Variants in RASSF5 observed in about 807,000 individuals in gnomAD.
RASSF5 encodes Ras association domain family member 5.
In RASSF5, 25 loss-of-function variants were observed where a neutral mutation model predicts 40.5. The ratio of observed to expected loss-of-function variants is 0.62; its 90% CI spans 0.45 to 0.86. The LOEUF (loss-of-function observed/expected upper bound fraction) is 0.86, where lower values mean the gene tolerates loss of function less well. RASSF5 is among the 40% of genes least tolerant of loss of function. RASSF5 has a pLI of 0.00. For synonymous variants in RASSF5, 246 were observed against 252.4 expected (o/e 0.97, Z 0.24); for missense variants, 521 against 572.8 (o/e 0.91, Z 0.92).
intron 2 of RASSF5, chr1:206,557,214 C>A: frequency 9.5e-7 from 1 of 1,058,200 alleles, no homozygotes. Context: ...GGGGGAGGTG[C>A]GGAGATGGCG....
intron 2 of RASSF5, among the ~76,000 whole-genome samples, chr1:206,553,415 G>C (rs1266578322): frequency 3.3e-5 from 5 of 152,114 alleles, no homozygotes; most frequent in Non-Finnish European, 5.9e-5. Context: ...TAGAAACATG[G>C]GGAACTCTTG....
chr1:206,521,269 C>T (rs569920545), intron 1 of RASSF5, among the ~76,000 whole-genome samples: 1 of 152,306 alleles, frequency 6.6e-6, no homozygotes, highest in South Asian at 2.1e-4. Context: ...TGTGTGTCTC[C>T]AGCAGAGAGG....
intron 2 of RASSF5, among the ~76,000 whole-genome samples, chr1:206,559,558 C>T (rs781998021): frequency 6.6e-6 from 1 of 152,212 alleles, no homozygotes; most frequent in East Asian, 1.9e-4. Flanking sequence ...GGTTTGGTCC[C>T]TGCAGAAACA....
Position 206,507,910 on chromosome 1 carries a change from T to G in RASSF5, c.308T>G (p.Val103Gly), listed in dbSNP as rs1553394068. The G allele has an allele frequency of 6.6e-6, 10 of 1,510,918 alleles. No individual in the cohort carries two copies. The highest frequency in any genetic ancestry group is 8.8e-6 in the Non-Finnish European group (10 of 1,137,406). The allele number at this position is 1,510,918 out of a possible 1,614,324, so 93.6% of individuals were successfully genotyped here. A position where few individuals can be genotyped will look rare whatever the true frequency, so the allele number is the denominator to read the frequency against. The change falls in exon 1 of 6, where the codon GTG becomes GGG. Residue 103 changes from valine (V) to glycine (G), a missense_variant. By Grantham distance (109) the Val-to-Gly change is moderately radical. Transcript: ENST00000579436. Reference protein sequence around the residue: ...RRPGAPRPRDVRSIFEQPQDP... With the variant: ...RRPGAPRPRDGRSIFEQPQDP... ...CCTGGAGCGCCCCGACCCCGCGACG[T>G]GCGGAGCATCTTCGAGCAGCCGCAG...
chr1:206,578,208 AGAGG>A (rs1363837826), intron 2 of RASSF5, among the ~76,000 whole-genome samples: 4 of 137,394 alleles, frequency 2.9e-5, no homozygotes, highest in Admixed American at 1.5e-4. Context: ...ACTGGGTGAC[AGAGG>A]GAGACATCTC....
intron 2 of RASSF5, chr1:206,557,072 G>C: frequency 1.1e-6 from 1 of 935,050 alleles, no homozygotes. Context: ...CTTGCCACCG[G>C]GGGCGGGTGG....
chr1:206,507,540 C>A lies in RASSF5; in HGVS notation c.-63C>A. 3 of 1,298,736 alleles carry A rather than the reference C, an allele frequency of 2.3e-6. No homozygotes were observed. Among genetic ancestry groups the A allele is most frequent in the Non-Finnish European group, 2.0e-6 (2 of 992,968 alleles). The allele number at this position is 1,298,736 out of a possible 1,614,324, so 80.5% of individuals were successfully genotyped here. ...TGTGGGGCGGCCCCTTCTCTCGGGG[C>A]TGGCTCGGGAGTAGCGCAGTCGCCA... On this transcript the variant is annotated 5_prime_UTR_variant, in exon 1 of 6. The change creates a new upstream start codon in the 5' untranslated region. Transcript: ENST00000579436.
rs575844649 is a variant in RASSF5 at position 206,538,160 on chromosome 1, C to T, written c.458-12C>T. 1 of 1,614,034 alleles carries T rather than the reference C, an allele frequency of 6.2e-7. No individual in the cohort carries two copies. The highest frequency in any genetic ancestry group is 1.3e-5 in the African/African-American group (1 of 74,932). ...CCTGTCCTCTAATCTCCCTTTTGTT[C>T]TTTACCTCCAGACTGTAAATTCACC... is the stretch of plus-strand genomic sequence containing the variant. On this transcript the variant is annotated splice_polypyrimidine_tract_variant and intron_variant, in intron 1 of 5. Coordinates refer to ENST00000579436, the MANE Select transcript of RASSF5 (RefSeq NM_182663.4).
chr1:206,561,838 G>GTTT (rs1668155665), intron 2 of RASSF5, among the ~76,000 whole-genome samples: 2 of 112,824 alleles, frequency 1.8e-5, no homozygotes, highest in Admixed American at 9.0e-5. Flanking sequence ...GCTAAGTTTT[G>GTTT]TGTTTTTTTT....
Position 206,587,262 on chromosome 1 carries a change from A to C in RASSF5, c.*284A>C. 1 of 393,448 alleles carries C rather than the reference A, an allele frequency of 2.5e-6. No homozygotes were observed. The allele number at this position is 393,448 out of a possible 1,614,324, so 24.4% of individuals were successfully genotyped here. ...CGATCTGCAAGCCTTTCACCAACCA[A>C]ATAGTTGCCTCTCTCGTCACCAAAC... On this transcript the variant is annotated 3_prime_UTR_variant, in exon 6 of 6. Transcript: ENST00000579436.
rs1667465662 is a variant in RASSF5 at position 206,538,216 on chromosome 1, T to G, written c.502T>G (p.Leu168Val). Residue 168 changes from leucine to valine, a missense_variant, in exon 2 of 6, where the codon TTG becomes GTG. By Grantham distance (32) the Leu-to-Val change is conservative (BLOSUM62 1). Coordinates refer to ENST00000579436, the MANE Select transcript of RASSF5 (RefSeq NM_182663.4). ...CHPECRSLIQ[L>V]DCSQQEGLSR... The stretch of plus-strand genomic sequence containing the variant: ...CCCAGAATGCCGCAGCCTGATCCAG[T>G]TGGACTGCAGTCAGCAGGAGGGTTT... 1 of 1,614,106 alleles carries G rather than the reference T, an allele frequency of 6.2e-7. No individual in the cohort carries two copies. Among genetic ancestry groups the G allele is most frequent in the African/African-American group, 1.3e-5 (1 of 74,924 alleles).
rs1666674748 is a variant in RASSF5, at chr1:206,513,568, T to C, written c.457+5509T>C. Reference sequence around the variant, plus strand: ...CTGCAGGGTCTCGCTCTGTCTCTGCTGACTCTGGGCACCTGCCCCTCCCGC... The same window carrying C: ...CTGCAGGGTCTCGCTCTGTCTCTGCCGACTCTGGGCACCTGCCCCTCCCGC... On this transcript the variant is annotated intron_variant, in intron 1 of 5. Transcript: ENST00000579436. The surrounding 1 kb of genome is among the most constrained non-coding windows in gnomAD (Gnocchi z 5.0). 6.6e-6 allele frequency among the ~76,000 whole-genome samples: 1 copy of C among 152,242 alleles called. No individual in the cohort carries two copies. Among genetic ancestry groups the C allele is most frequent in the Non-Finnish European group, 1.5e-5 (1 of 68,046 alleles).
intron 1 of RASSF5, among the ~76,000 whole-genome samples, chr1:206,514,946 C>G (rs1286418637): frequency 6.6e-6 from 1 of 152,218 alleles, no homozygotes; most frequent in East Asian, 1.9e-4. Context: ...GTCAGGATTG[C>G]AATTCTGTTT....
intron 2 of RASSF5, among the ~76,000 whole-genome samples, chr1:206,553,441 A>C (rs1331039720): frequency 5.9e-5 from 9 of 152,162 alleles, no homozygotes; most frequent in African/African-American, 2.2e-4. Flanking sequence ...CTTTGCACTA[A>C]TCTCAGTTAA....
intron 2 of RASSF5, chr1:206,544,437 T>C (rs1373731753): frequency 2.0e-5 from 3 of 152,182 alleles, no homozygotes; most frequent in African/African-American, 7.2e-5. Context: ...ACACAACCCT[T>C]ATGGTCTGGC....
chr1:206,546,648 C>A (rs6680523), intron 2 of RASSF5, among the ~76,000 whole-genome samples: 1 of 151,884 alleles, frequency 6.6e-6, no homozygotes, highest in East Asian at 1.9e-4. Context: ...GTTGAAAATA[C>A]CTGAAGTCAA....
In RASSF5 at chr1:206,546,631, A is replaced by G. The variant is rs189314679; in HGVS notation, c.579+8338A>G. ...TATGGGATTACATCCCAATAAACCC[A>G]CTGAAAGTTGAAAATACCTGAAGTC... On this transcript the variant is annotated intron_variant, in intron 2 of 5. Transcript: ENST00000579436. 3.3e-5 allele frequency among the ~76,000 whole-genome samples: 5 copies of G among 152,280 alleles called. No homozygotes were observed. The East Asian group carries it at 7.7e-4, about 24-fold the overall frequency.
Position 206,584,858 on chromosome 1 carries a change from G to A in RASSF5, c.988+174G>A, listed in dbSNP as rs1669046321. 1.3e-5 allele frequency: 9 copies of A among 688,730 alleles called. No individual in the cohort carries two copies. Among genetic ancestry groups the A allele is most frequent in the Non-Finnish European group, 2.2e-5 (9 of 412,946 alleles). The allele number at this position is 688,730 out of a possible 1,614,324, so 42.7% of individuals were successfully genotyped here. A position where few individuals can be genotyped will look rare whatever the true frequency, so the allele number is the denominator to read the frequency against. On this transcript the variant is annotated intron_variant, in intron 4 of 5. Coordinates refer to ENST00000579436, the MANE Select transcript of RASSF5 (RefSeq NM_182663.4). This position sits in a 1 kb window ranked among gnomAD's most constrained non-coding sequence, Gnocchi z 4.9. ...GAATCCGGGCAGGGAGGCAAGAGCA[G>A]AGTCCCTGACTCTGCATGTGACTTC...
intron 2 of RASSF5, among the ~76,000 whole-genome samples, chr1:206,556,927 G>A (rs976413173): frequency 2.6e-5 from 4 of 152,170 alleles, no homozygotes; most frequent in Non-Finnish European, 4.4e-5. Context: ...CTGAGTCACC[G>A]GGGCTGATGA....
Sources: gnomAD v4.1 joint callset for allele counts (sites outside exome capture counted in the v4.1 genomes callset) on GRCh38, gnomAD v4.1.1 for gene constraint, Gnocchi (gnomAD v3.1) non-coding constraint, MANE v1.5 for transcripts, NCBI Gene and HGNC (gene_info 2026-07-23, HGNC 2026-07-21) for gene names.